Variants in DIP2A observed in about 807,000 individuals in gnomAD.
DIP2A encodes DIP2 acetate--CoA ligase A, also known as disco-interacting protein 2 homolog A.
In DIP2A, 85 loss-of-function variants were observed where a neutral mutation model predicts 177.4. The observed-to-expected ratio is 0.48, with a 90% confidence interval of 0.40 to 0.57. The LOEUF (loss-of-function observed/expected upper bound fraction) is 0.57. Ranked by LOEUF, DIP2A falls within the 20% of genes least tolerant of loss-of-function variation. DIP2A has a pLI of 0.00. For synonymous variants in DIP2A, 886 were observed against 881.8 expected (o/e 1.00, Z -0.08); for missense variants, 1,791 against 2,100.2 (o/e 0.85, Z 2.88).
intron 1 of DIP2A, 72 bp downstream of exon 1, chr21:46,459,294 G>T: frequency 7.5e-7 from 1 of 1,331,126 alleles, no homozygotes; most frequent in South Asian, 1.5e-5. Context: ...CCTCACTCCG[G>T]GACCCCCGCG....
At chr21:46,473,774 C>T (rs1351406156) in intron 1 of DIP2A, among the ~76,000 whole-genome samples, 1 of 152,166 alleles carries the variant, frequency 6.6e-6, no homozygotes, top group East Asian at 1.9e-4. Context: ...CTTCGGCCTC[C>T]CAAAGTGCTG....
rs1216981030 is a variant in DIP2A, at chr21:46,516,543, G to A, written c.1102+4929G>A. On this transcript the variant is annotated intron_variant, in intron 8 of 37. Coordinates refer to ENST00000417564, the MANE Select transcript of DIP2A (RefSeq NM_015151.4). Reference sequence around the variant, plus strand: ...GTCTGGCTCTGTCGCCCAGGCTGGAGTGCAAGTGGTGCGATGTCAGCTCAC... The same window carrying A: ...GTCTGGCTCTGTCGCCCAGGCTGGAATGCAAGTGGTGCGATGTCAGCTCAC... Among the ~76,000 whole-genome samples, 3 of 128,604 alleles carry A rather than the reference G, an allele frequency of 2.3e-5. No homozygotes were observed. The Admixed American group carries it at 2.7e-4, about 11-fold the overall frequency. 84.4% of individuals were successfully genotyped at this position (128,604 alleles called of 152,430 possible). A position where few individuals can be genotyped will look rare whatever the true frequency, so the allele number is the denominator to read the frequency against.
intron 35 of DIP2A, among the ~76,000 whole-genome samples, 172 bp downstream of exon 35, chr21:46,564,104 G>T (rs2060759519): frequency 1.3e-5 from 2 of 152,342 alleles, no homozygotes; most frequent in South Asian, 4.1e-4. Context: ...TAGGATTTTG[G>T]GGTACTGTGG....
chr21:46,534,361 C>T (rs1336210326), intron 12 of DIP2A, among the ~76,000 whole-genome samples: 2 of 152,160 alleles, frequency 1.3e-5, no homozygotes, highest in East Asian at 1.9e-4. Context: ...GAGCCCATGG[C>T]GCACCATTAC....
At position 46,459,207 on chromosome 21, in the gene DIP2A, C is replaced by T; in HGVS notation, c.76C>T (p.Leu26=). The change falls in exon 1 of 38, where the codon CTG becomes TTG. Residue 26 remains leucine (L), a synonymous_variant. Coordinates refer to ENST00000417564, the MANE Select transcript of DIP2A (RefSeq NM_015151.4). The part of the protein sequence containing the change: ...EVRESLAELE[L]ELSEGDITQK... ...GCGGGAGAGCCTGGCTGAGCTGGAG[C>T]TGGAGCTGTCGGAAGGTGAGCCGGA... The T allele has an allele frequency of 6.6e-7, 1 of 1,525,378 alleles. No individual in the cohort carries two copies. The highest frequency in any genetic ancestry group is 1.2e-5 in the South Asian group (1 of 82,230). The allele number at this position is 1,525,378 out of a possible 1,614,324, so 94.5% of individuals were successfully genotyped here.
At chr21:46,463,586 A>AG (rs765944714) in intron 1 of DIP2A, among the ~76,000 whole-genome samples, 22 of 152,188 alleles carry the variant, frequency 1.4e-4, no homozygotes, top group Non-Finnish European at 2.8e-4. Context: ...TAAAATGAAA[A>AG]GGGGGAAAAA....
At chr21:46,467,906 G>A (rs771532155) in intron 1 of DIP2A, among the ~76,000 whole-genome samples, 4 of 151,986 alleles carry the variant, frequency 2.6e-5, no homozygotes, top group Admixed American at 1.3e-4. Flanking sequence ...AGGTTGGATC[G>A]TTTGAACTCA....
chr21:46,490,173 G>A (rs1045545223), intron 2 of DIP2A, among the ~76,000 whole-genome samples: 2 of 152,194 alleles, frequency 1.3e-5, no homozygotes, highest in African/African-American at 2.4e-5. Flanking sequence ...GGTCTGGTGA[G>A]CTGTTTCTCA....
In DIP2A at chr21:46,520,744, A is replaced by G. The variant is rs145313444; in HGVS notation, c.1103-8348A>G. On this transcript the variant is annotated intron_variant, in intron 8 of 37. Transcript: ENST00000417564. ...TATTAATAACATGTACTGTCATATC[A>G]GAGTTATAGAAGTTTCACACGATTT... Among the ~76,000 whole-genome samples the G allele has an allele frequency of 2.6e-3, 400 of 152,350 alleles. 5 individuals carry two copies. The highest frequency in any genetic ancestry group is 8.9e-3 in the African/African-American group (368 of 41,570).
intron 2 of DIP2A, among the ~76,000 whole-genome samples, chr21:46,485,685 A>G (rs959361103): frequency 2.4e-5 from 2 of 84,754 alleles, no homozygotes; most frequent in South Asian, 3.8e-4. Context: ...ATTGGACCAC[A>G]TTAAAATTAA....
Position 46,537,546 on chromosome 21 carries a change from G to A in DIP2A, c.1801+7G>A, listed in dbSNP as rs924246641. 3 of 1,613,798 alleles carry A rather than the reference G, an allele frequency of 1.9e-6. No homozygotes were observed. The African/African-American group carries it at 4.0e-5, about 22-fold the overall frequency. Reference sequence around the variant, plus strand: ...AAAGTGTGCTTCTATAAAGGTAACGGATACCATGGTCAGGGCCTTCACCCT... The same window carrying A: ...AAAGTGTGCTTCTATAAAGGTAACGAATACCATGGTCAGGGCCTTCACCCT... On this transcript the variant is annotated splice_region_variant and intron_variant, in intron 15 of 37. Transcript: ENST00000417564. The surrounding 1 kb of genome is among the most constrained non-coding windows in gnomAD (Gnocchi z 4.1).
At chr21:46,466,440 C>G (rs544881621) in intron 1 of DIP2A, among the ~76,000 whole-genome samples, 1 of 151,128 alleles carries the variant, frequency 6.6e-6, no homozygotes, top group South Asian at 2.1e-4. Context: ...CCTCTGCCTC[C>G]CAGGTTGAAG....
chr21:46,530,660 A>G (rs186387450), intron 9 of DIP2A, among the ~76,000 whole-genome samples: 94 of 152,322 alleles, frequency 6.2e-4, no homozygotes, highest in African/African-American at 2.1e-3. Flanking sequence ...GAGAAAGAGA[A>G]AGGAGAACAG....
chr21:46,546,794 G>A (rs1463098562), intron 20 of DIP2A, 121 bp from the exon 21 acceptor site: 28 of 1,163,224 alleles, frequency 2.4e-5, no homozygotes, highest in South Asian at 7.9e-5. Flanking sequence ...GCATTGACCC[G>A]TTTGCAAGGC....
At chr21:46,495,120 TTCA>T (rs1207168914) in intron 3 of DIP2A, among the ~76,000 whole-genome samples, 1 of 152,132 alleles carries the variant, frequency 6.6e-6, no homozygotes, top group Non-Finnish European at 1.5e-5. Flanking sequence ...GGGTCTGTAC[TTCA>T]TCTCTCTCTC....
At chr21:46,538,401 G>A in intron 15 of DIP2A, 82 bp from the exon 16 acceptor site, 6 of 1,489,560 alleles carry the variant, frequency 4.0e-6, no homozygotes, top group Non-Finnish European at 5.4e-6. Flanking sequence ...CCTCTCTGTG[G>A]GATGAGGTAC....
At chr21:46,522,355 A>G (rs532598943) in intron 8 of DIP2A, among the ~76,000 whole-genome samples, 1 of 152,328 alleles carries the variant, frequency 6.6e-6, no homozygotes, top group East Asian at 1.9e-4. Context: ...TCTTAACTGG[A>G]TTACTGGCTT....
chr21:46,546,142 G>C, intron 20 of DIP2A, 181 bp downstream of exon 20: 1 of 1,453,158 alleles, frequency 6.9e-7, no homozygotes, highest in African/African-American at 1.4e-5. Context: ...CCACACCTCC[G>C]AGACTGGTGC....
At chr21:46,528,809 T>A (rs1189400905) in intron 8 of DIP2A, among the ~76,000 whole-genome samples, 1 of 152,056 alleles carries the variant, frequency 6.6e-6, no homozygotes, top group Non-Finnish European at 1.5e-5. Context: ...ATTACAGGTG[T>A]GAGTCACTGC....
Sources: gnomAD v4.1 joint callset for allele counts (sites outside exome capture counted in the v4.1 genomes callset) on GRCh38, gnomAD v4.1.1 for gene constraint, Gnocchi (gnomAD v3.1) non-coding constraint, MANE v1.5 for transcripts, NCBI Gene and HGNC (gene_info 2026-07-23, HGNC 2026-07-21) for gene names.